The following NXPE2 variants were observed in gnomAD, a reference collection of about 807,000 sequenced individuals.
NXPE2 encodes neurexophilin and PC-esterase domain family member 2.
NXPE2 carries 34 observed loss-of-function variants against 34.4 expected under a neutral mutation model. The observed-to-expected ratio is 0.99, with a 90% CI of 0.75 to 1.31. The LOEUF (loss-of-function observed/expected upper bound fraction) is 1.31. Ranked by LOEUF, NXPE2 falls within the 40% of genes most tolerant of loss-of-function variation. The probability of loss-of-function intolerance (pLI) is 0.00; values close to 1 mark genes in which losing one functional copy is unlikely to be tolerated. For missense variants in NXPE2, 649 were observed against 672.5 expected (o/e 0.97, Z 0.39); for synonymous variants, 235 against 231.3 (o/e 1.02, Z -0.15).
the NXPE2 span, among the ~76,000 whole-genome samples, chr11:114,726,359 T>C: frequency 6.6e-6 from 1 of 152,002 alleles, no homozygotes; most frequent in Non-Finnish European, 1.5e-5. Context: ...AAATTTATCC[T>C]GCTTGAGGTT....
the NXPE2 span, among the ~76,000 whole-genome samples, chr11:114,623,077 A>G: frequency 1.3e-5 from 2 of 152,144 alleles, no homozygotes; most frequent in Non-Finnish European, 1.5e-5. Flanking sequence ...AACCACTGTT[A>G]TCTGGTGGAT....
the NXPE2 span, among the ~76,000 whole-genome samples, chr11:114,590,635 A>G: frequency 8.5e-5 from 13 of 152,272 alleles, no homozygotes; most frequent in Non-Finnish European, 1.6e-4. Context: ...ATCTTTATGT[A>G]TCAGAAAGGA....
chr11:114,751,041 G>A, the NXPE2 span, among the ~76,000 whole-genome samples: 15 of 152,288 alleles, frequency 9.8e-5, no homozygotes, highest in East Asian at 2.7e-3. Context: ...GACTCAGGCT[G>A]TCAAAGGTCC....
the NXPE2 span, among the ~76,000 whole-genome samples, chr11:114,656,607 T>A: frequency 4.5e-4 from 68 of 152,070 alleles, no homozygotes; most frequent in African/African-American, 1.5e-3. Context: ...ATATACTTAA[T>A]ACAGTACTGA....
At chr11:114,471,143 C>CAATTTAT in the NXPE2 span, among the ~76,000 whole-genome samples, 1 of 152,132 alleles carries the variant, frequency 6.6e-6, no homozygotes, top group African/African-American at 2.4e-5. Flanking sequence ...TTCATGAAGT[C>CAATTTAT]CAATTTATCA....
At chr11:114,569,473 A>G in the NXPE2 span, among the ~76,000 whole-genome samples, 2 of 152,200 alleles carry the variant, frequency 1.3e-5, no homozygotes, top group African/African-American at 2.4e-5. Flanking sequence ...CCAGGATTCC[A>G]TATACATATA....
the NXPE2 span, among the ~76,000 whole-genome samples, chr11:114,660,716 A>G: frequency 6.6e-6 from 1 of 152,124 alleles, no homozygotes; most frequent in Non-Finnish European, 1.5e-5. Context: ...ATAATGTTCA[A>G]TCTTGCTGTT....
chr11:114,696,921 A>G (rs1376807033), intron 2 of NXPE2, among the ~76,000 whole-genome samples: 2 of 152,212 alleles, frequency 1.3e-5, no homozygotes, highest in East Asian at 3.8e-4. Flanking sequence ...TTGTACATAA[A>G]TATCTATGAT....
the NXPE2 span, among the ~76,000 whole-genome samples, chr11:114,661,514 G>A: frequency 6.6e-6 from 1 of 152,182 alleles, no homozygotes; most frequent in Non-Finnish European, 1.5e-5. Context: ...GCAACTGATG[G>A]ACTTCAAAAG....
chr11:114,688,541 A>G (rs1325804079), intron 2 of NXPE2, among the ~76,000 whole-genome samples: 4 of 151,996 alleles, frequency 2.6e-5, no homozygotes, highest in East Asian at 1.9e-4. Context: ...TTTGTCTGTA[A>G]GTTTGTTGTT....
At chr11:114,507,352 C>A in the NXPE2 span, among the ~76,000 whole-genome samples, 1 of 151,284 alleles carries the variant, frequency 6.6e-6, no homozygotes, top group Non-Finnish European at 1.5e-5. Context: ...ACTACTCCAA[C>A]AAATTGAGGA....
chr11:114,537,195 A>G, the NXPE2 span, among the ~76,000 whole-genome samples: 1 of 152,238 alleles, frequency 6.6e-6, no homozygotes, highest in African/African-American at 2.4e-5. Flanking sequence ...GATTATCTCA[A>G]TAGATGCAGA....
the NXPE2 span, among the ~76,000 whole-genome samples, chr11:114,637,883 G>C: frequency 2.0e-5 from 3 of 151,876 alleles, no homozygotes; most frequent in African/African-American, 7.3e-5. Context: ...CTTTCTCTCT[G>C]GCTGCCCTTA....
At chr11:114,564,250 C>T in the NXPE2 span, among the ~76,000 whole-genome samples, 1 of 152,078 alleles carries the variant, frequency 6.6e-6, no homozygotes, top group African/African-American at 2.4e-5. Context: ...TAAGTGGGAG[C>T]TAAGCTATGA....
chr11:114,464,880 A>G, the NXPE2 span, among the ~76,000 whole-genome samples: 2 of 152,196 alleles, frequency 1.3e-5, no homozygotes, highest in African/African-American at 4.8e-5. Context: ...CCAATAGACA[A>G]ATGAAGAAAG....
At chr11:114,579,955 G>T in the NXPE2 span, among the ~76,000 whole-genome samples, 2 of 152,126 alleles carry the variant, frequency 1.3e-5, no homozygotes, top group Non-Finnish European at 2.9e-5. Context: ...TTTCCTTCCA[G>T]TTAGATAGCT....
At chr11:114,595,829 A>G in the NXPE2 span, 1 of 152,474 alleles carries the variant, frequency 6.6e-6, no homozygotes, top group South Asian at 2.1e-4. Flanking sequence ...CCTGGATCAC[A>G]AACTGTAGTT....
the NXPE2 span, among the ~76,000 whole-genome samples, chr11:114,663,884 T>C: frequency 1.3e-5 from 2 of 152,024 alleles, no homozygotes; most frequent in Non-Finnish European, 2.9e-5. Flanking sequence ...GAAATAAAAA[T>C]AAAATCACAG....
the NXPE2 span, among the ~76,000 whole-genome samples, chr11:114,775,660 T>G: frequency 6.6e-6 from 1 of 152,124 alleles, no homozygotes; most frequent in African/African-American, 2.4e-5. Context: ...ACTGAAAGCC[T>G]CCCTTCCTGT....
Sources: gnomAD v4.1 joint callset for allele counts (sites outside exome capture counted in the v4.1 genomes callset) on GRCh38, gnomAD v4.1.1 for gene constraint, MANE v1.5 for transcripts, NCBI Gene and HGNC (gene_info 2026-07-23, HGNC 2026-07-21) for gene names.